Variants in ADGRB3 observed in about 807,000 individuals in gnomAD.
The protein encoded by ADGRB3 is brain-specific angiogenesis inhibitor 3.
ADGRB3 carries 37 observed loss-of-function variants against 193.4 expected under a neutral mutation model. That is an observed-to-expected ratio of 0.19 (90% CI 0.15 to 0.25). ADGRB3 has a LOEUF of 0.25. Among genes scored for constraint, ADGRB3 ranks in the 10% least tolerant of loss-of-function variants. ADGRB3 has a pLI of 1.00. For synonymous variants in ADGRB3, 690 were observed against 644.2 expected, an observed-to-expected ratio of 1.07 and a Z score of -1.08; for missense variants, 1,637 against 1,852.9, an observed-to-expected ratio of 0.88 and a Z score of 2.14.
rs1467087556 is a variant in ADGRB3, at chr6:69,014,143, A to AAAGTGTAAAAAAGTGT, written c.1998+39_1998+40insGTGTAAAAAAGTGTAA. 3 of 1,435,062 alleles carry AAAGTGTAAAAAAGTGT rather than the reference A, an allele frequency of 2.1e-6. No homozygotes were observed. The African/African-American group carries it at 4.3e-5, about 21-fold the overall frequency. The allele number at this position is 1,435,062 out of a possible 1,614,324, so 88.9% of individuals were successfully genotyped here. A position where few individuals can be genotyped will look rare whatever the true frequency, so the allele number is the denominator to read the frequency against. On this transcript the variant is annotated intron_variant, in intron 12 of 31. Coordinates refer to ENST00000370598, the MANE Select transcript of ADGRB3 (RefSeq NM_001704.3). ...GTTATTTCAGAACTTGAAGTTGGCA[A>AAAGTGTAAAAAAGTGT]AACAAAGTGTAAAAAATATGTGACT...
intron 3 of ADGRB3, among the ~76,000 whole-genome samples, chr6:68,775,232 A>G (rs900097914): frequency 3.3e-5 from 5 of 150,964 alleles, no homozygotes; most frequent in Non-Finnish European, 7.4e-5. Context: ...GGCTCCTGGC[A>G]TGGGAGGAGT....
intron 26 of ADGRB3, among the ~76,000 whole-genome samples, chr6:69,347,335 A>T (rs1225973143): frequency 1.3e-5 from 2 of 152,358 alleles, no homozygotes; most frequent in South Asian, 2.1e-4. Context: ...CTGCACAGTT[A>T]TCCCAAAACT....
intron 17 of ADGRB3, among the ~76,000 whole-genome samples, chr6:69,154,832 A>T (rs1402704295): frequency 1.3e-5 from 2 of 152,160 alleles, no homozygotes; most frequent in African/African-American, 4.8e-5. Context: ...CCATTCATCT[A>T]TCTATATATT....
intron 17 of ADGRB3, among the ~76,000 whole-genome samples, chr6:69,108,385 T>C (rs1419955355): frequency 8.6e-6 from 1 of 115,986 alleles, no homozygotes; most frequent in African/African-American, 2.7e-5. Context: ...GGCAAGCTTC[T>C]TGTTTTTTTT....
chr6:69,370,963 G>A (rs1284075416), intron 29 of ADGRB3, among the ~76,000 whole-genome samples: 1 of 151,996 alleles, frequency 6.6e-6, no homozygotes, highest in East Asian at 1.9e-4. Context: ...GTGGCGGGGA[G>A]ATGGCAAAAG....
At chr6:69,097,160 C>A (rs1281700049) in intron 17 of ADGRB3, among the ~76,000 whole-genome samples, 1 of 152,134 alleles carries the variant, frequency 6.6e-6, no homozygotes, top group Non-Finnish European at 1.5e-5. Flanking sequence ...AAAGAAAGGT[C>A]GTGTTGATGC....
At chr6:69,288,117 A>T (rs1402489992) in intron 20 of ADGRB3, among the ~76,000 whole-genome samples, 1 of 152,104 alleles carries the variant, frequency 6.6e-6, no homozygotes, top group African/African-American at 2.4e-5. Context: ...TTACATAGGT[A>T]TACATGTGCC....
intron 13 of ADGRB3, among the ~76,000 whole-genome samples, chr6:69,020,142 AG>A (rs376264231): frequency 1.6e-3 from 251 of 152,202 alleles, no homozygotes; most frequent in African/African-American, 5.2e-3. Context: ...ATAGAAAAAC[AG>A]AGAACTATTG....
intron 3 of ADGRB3, among the ~76,000 whole-genome samples, chr6:68,780,236 TC>T (rs1449287349): frequency 6.6e-6 from 1 of 152,060 alleles, no homozygotes; most frequent in Non-Finnish European, 1.5e-5. Context: ...CTTTGTCTAG[TC>T]TCAGACAAGC....
chr6:68,819,752 G>A (rs79137378), intron 3 of ADGRB3, among the ~76,000 whole-genome samples: 13,598 of 151,934 alleles, frequency 0.089, 822 homozygotes, highest in South Asian at 0.13. Context: ...AGATAAAATT[G>A]TATACAGATA....
chr6:68,734,508 T>A (rs1765835769), intron 3 of ADGRB3, among the ~76,000 whole-genome samples: 1 of 151,978 alleles, frequency 6.6e-6, no homozygotes, highest in Admixed American at 6.6e-5. Flanking sequence ...AAACATTGAA[T>A]TTGAGGTCAT....
At chr6:68,814,237 A>G (rs1333567698) in intron 3 of ADGRB3, among the ~76,000 whole-genome samples, 3 of 152,100 alleles carry the variant, frequency 2.0e-5, no homozygotes, top group African/African-American at 7.2e-5. Flanking sequence ...TGACTTTTTA[A>G]TGATTGCCAT....
rs533781811 is a variant in ADGRB3, at chr6:68,645,186, A to G, written c.757+5754A>G. On this transcript the variant is annotated intron_variant, in intron 3 of 31. Transcript: ENST00000370598. ...TTGTAATTTTTTTTTTCTAAATTGTATATATTGGGTTTTAAGATCATGAAC... is the reference window on the plus strand; with the variant it reads ...TTGTAATTTTTTTTTTCTAAATTGTGTATATTGGGTTTTAAGATCATGAAC... Among the ~76,000 whole-genome samples, 8 of 152,024 alleles carry G rather than the reference A, an allele frequency of 5.3e-5. No homozygotes were observed. In the South Asian group the frequency reaches 1.5e-3, roughly 28 times the overall value.
At chr6:69,151,884 G>C (rs778601467) in intron 17 of ADGRB3, among the ~76,000 whole-genome samples, 1 of 152,152 alleles carries the variant, frequency 6.6e-6, no homozygotes, top group Admixed American at 6.5e-5. Context: ...AATCCTGGGG[G>C]TGGTTATTCT....
At chr6:69,170,652 A>C (rs1775248722) in intron 17 of ADGRB3, among the ~76,000 whole-genome samples, 1 of 152,190 alleles carries the variant, frequency 6.6e-6, no homozygotes, top group Non-Finnish European at 1.5e-5. Context: ...GATATATAGA[A>C]AAGGTGTTCT....
intron 26 of ADGRB3, among the ~76,000 whole-genome samples, chr6:69,349,555 CTA>C (rs2127325216): frequency 6.6e-6 from 1 of 152,096 alleles, no homozygotes; most frequent in South Asian, 2.1e-4. Flanking sequence ...GTCATATCAA[CTA>C]TCATAATACA....
intron 20 of ADGRB3, among the ~76,000 whole-genome samples, chr6:69,316,529 A>G (rs1170303231): frequency 6.6e-6 from 1 of 151,522 alleles, no homozygotes; most frequent in East Asian, 1.9e-4. Context: ...TGAGGGCTTT[A>G]ATTAGAGAAT....
chr6:69,349,505 TTAA>T (rs796719388), intron 26 of ADGRB3, among the ~76,000 whole-genome samples: 10 of 152,188 alleles, frequency 6.6e-5, no homozygotes, highest in Non-Finnish European at 1.2e-4. Flanking sequence ...ATTTAATATA[TTAA>T]TAATGTGAAG....
chr6:68,695,702 C>T (rs1302088691), intron 3 of ADGRB3, among the ~76,000 whole-genome samples: 2 of 151,946 alleles, frequency 1.3e-5, no homozygotes, highest in Admixed American at 1.3e-4. Flanking sequence ...GTGAGACTTG[C>T]AGTCTATTCT....
Sources: allele counts gnomAD v4.1 joint callset (sites outside exome capture counted in the v4.1 genomes callset), GRCh38; gene constraint gnomAD v4.1.1; transcripts MANE v1.5; gene names NCBI Gene and HGNC (gene_info 2026-07-23, HGNC 2026-07-21).